Variants in HS2ST1 observed in about 807,000 individuals in gnomAD.
HS2ST1 encodes the protein heparan sulfate 2-O-sulfotransferase 1.
In HS2ST1, 18 loss-of-function variants were observed where a neutral mutation model predicts 42.9. That is an observed-to-expected ratio of 0.42 (90% CI 0.29 to 0.62). HS2ST1 has a LOEUF of 0.62. HS2ST1 is among the 20% of genes least tolerant of loss of function. The pLI, the probability that HS2ST1 is intolerant of heterozygous loss-of-function variation, is 0.21. For synonymous variants in HS2ST1, 146 were observed against 152.9 expected, an observed-to-expected ratio of 0.95 and a Z score of 0.33; for missense variants, 334 against 433.8, an observed-to-expected ratio of 0.77 and a Z score of 2.04.
intron 1 of HS2ST1, among the ~76,000 whole-genome samples, chr1:87,005,095 T>C (rs1474995787): frequency 6.6e-6 from 1 of 152,234 alleles, no homozygotes; most frequent in Non-Finnish European, 1.5e-5. Context: ...CATGTCCCTC[T>C]GGTAAGATTT....
chr1:87,059,635 A>G (rs1003847710), intron 1 of HS2ST1, among the ~76,000 whole-genome samples: 2 of 152,222 alleles, frequency 1.3e-5, no homozygotes, highest in Non-Finnish European at 2.9e-5. Context: ...CAGCTCACCT[A>G]TGATTTTTAA....
intron 1 of HS2ST1, among the ~76,000 whole-genome samples, chr1:86,965,130 T>C (rs1202189816): frequency 6.6e-6 from 1 of 152,138 alleles, no homozygotes; most frequent in African/African-American, 2.4e-5. Context: ...AGTAATAGAG[T>C]AAGACAAAGT....
At chr1:87,017,222 C>T (rs768460483) in intron 1 of HS2ST1, among the ~76,000 whole-genome samples, 7 of 152,078 alleles carry the variant, frequency 4.6e-5, no homozygotes, top group South Asian at 2.1e-4. Flanking sequence ...CTGCAACCTC[C>T]GCCTCCCAGG....
At chr1:87,080,739 C>T (rs886094849) in intron 2 of HS2ST1, among the ~76,000 whole-genome samples, 6 of 152,148 alleles carry the variant, frequency 3.9e-5, no homozygotes, top group Non-Finnish European at 8.8e-5. Flanking sequence ...TGCCACATGG[C>T]GCAGAAAGAG....
At chr1:87,078,367 T>C (rs1327470090) in intron 2 of HS2ST1, among the ~76,000 whole-genome samples, 1 of 152,192 alleles carries the variant, frequency 6.6e-6, no homozygotes. Flanking sequence ...ATTACCTATA[T>C]TGTTTGTGTT....
chr1:86,949,823 T>G lies in HS2ST1; in HGVS notation c.124+34663T>G, dbSNP rs563688454. On this transcript the variant is annotated intron_variant, in intron 1 of 6. Coordinates refer to ENST00000370550, the MANE Select transcript of HS2ST1 (RefSeq NM_012262.4). The stretch of plus-strand genomic sequence containing the variant: ...TTTACCCCCAATAATTAGACTCCTA[T>G]TATCATAACATTTTAAATAGAATAC... 3.7e-4 allele frequency among the ~76,000 whole-genome samples: 57 copies of G among 152,288 alleles called. 1 individual carries two copies. In the South Asian group the frequency reaches 7.2e-3, roughly 19 times the overall value.
intron 2 of HS2ST1, among the ~76,000 whole-genome samples, chr1:87,078,665 A>G (rs1357048957): frequency 6.6e-6 from 1 of 152,186 alleles, no homozygotes; most frequent in Admixed American, 6.5e-5. Context: ...TTTTTGGCCT[A>G]TCACTTTACC....
chr1:86,991,583 G>A (rs2100560668), intron 1 of HS2ST1, among the ~76,000 whole-genome samples: 1 of 152,292 alleles, frequency 6.6e-6, no homozygotes, highest in Non-Finnish European at 1.5e-5. Context: ...CCTAAAATAG[G>A]TGAGGAGGCA....
intron 1 of HS2ST1, among the ~76,000 whole-genome samples, chr1:86,979,939 G>A (rs1479789025): frequency 6.6e-6 from 1 of 152,048 alleles, no homozygotes; most frequent in Non-Finnish European, 1.5e-5. Context: ...TTTTACTTCT[G>A]CATAAGATTA....
chr1:87,016,861 TG>T (rs1362996921), intron 1 of HS2ST1, among the ~76,000 whole-genome samples: 5 of 59,054 alleles, frequency 8.5e-5, no homozygotes, highest in Non-Finnish European at 2.1e-4. Flanking sequence ...TAATGGTTAT[TG>T]GGTTTTTTTT....
Position 87,072,887 on chromosome 1 carries a change from C to T in HS2ST1, c.125-47C>T, listed in dbSNP as rs1471388937. On this transcript the variant is annotated intron_variant, in intron 1 of 6. Coordinates refer to ENST00000370550, the MANE Select transcript of HS2ST1 (RefSeq NM_012262.4). ...TCCAAAGTTCAGTGTTCATAACTTCCTTATAGTGTCCTTAAAAACTTAGTT... is the reference window on the plus strand; with the variant it reads ...TCCAAAGTTCAGTGTTCATAACTTCTTTATAGTGTCCTTAAAAACTTAGTT... The T allele has an allele frequency of 3.7e-6, 5 of 1,346,032 alleles. No individual in the cohort carries two copies. In the Admixed American group the frequency reaches 5.1e-5, roughly 14 times the overall value. 83.4% of individuals were successfully genotyped at this position (1,346,032 alleles called of 1,614,324 possible). A position where few individuals can be genotyped will look rare whatever the true frequency, so the allele number is the denominator to read the frequency against.
At chr1:86,945,534 C>T (rs528887235) in intron 1 of HS2ST1, among the ~76,000 whole-genome samples, 1 of 147,286 alleles carries the variant, frequency 6.8e-6, no homozygotes, top group South Asian at 2.2e-4. Flanking sequence ...TTCCGCATCT[C>T]TTTTAAAATA....
At chr1:86,956,944 A>G (rs1451058038) in intron 1 of HS2ST1, among the ~76,000 whole-genome samples, 1 of 152,200 alleles carries the variant, frequency 6.6e-6, no homozygotes, top group African/African-American at 2.4e-5. Flanking sequence ...GACAGTAAAA[A>G]TACATTATAT....
intron 5 of HS2ST1, among the ~76,000 whole-genome samples, chr1:87,102,256 C>T (rs1415775158): frequency 6.6e-6 from 1 of 152,088 alleles, no homozygotes; most frequent in African/African-American, 2.4e-5. Context: ...TGGGGTTTCT[C>T]CATGTTGGTC....
intron 1 of HS2ST1, among the ~76,000 whole-genome samples, chr1:86,983,244 TC>T (rs1281039405): frequency 6.6e-6 from 1 of 152,238 alleles, no homozygotes; most frequent in Non-Finnish European, 1.5e-5. Context: ...ATTTTCTGTA[TC>T]AGTCTGTTTT....
chr1:86,970,316 A>G (rs1266977889), intron 1 of HS2ST1, among the ~76,000 whole-genome samples: 1 of 152,184 alleles, frequency 6.6e-6, no homozygotes, highest in Non-Finnish European at 1.5e-5. Flanking sequence ...AATCCACAAG[A>G]AGTATAGGTC....
chr1:87,093,508 A>G (rs1192405023), intron 4 of HS2ST1, among the ~76,000 whole-genome samples: 3 of 152,120 alleles, frequency 2.0e-5, no homozygotes, highest in Non-Finnish European at 2.9e-5. Context: ...GCAGTGAGTC[A>G]TATCTCTTTC....
intron 1 of HS2ST1, among the ~76,000 whole-genome samples, chr1:86,963,312 C>G (rs958047966): frequency 6.6e-6 from 1 of 152,062 alleles, no homozygotes; most frequent in East Asian, 1.9e-4. Flanking sequence ...TGCGGCCTAC[C>G]GCAGTGTTTG....
At chr1:87,054,301 GTTTTT>G (rs1023913437) in intron 1 of HS2ST1, among the ~76,000 whole-genome samples, 1 of 152,078 alleles carries the variant, frequency 6.6e-6, no homozygotes, top group South Asian at 2.1e-4. Flanking sequence ...TCTCATGTGG[GTTTTT>G]TTGTTTGTTT....
Sources: allele counts gnomAD v4.1 joint callset (sites outside exome capture counted in the v4.1 genomes callset), GRCh38; gene constraint gnomAD v4.1.1; transcripts MANE v1.5; gene names NCBI Gene and HGNC (gene_info 2026-07-23, HGNC 2026-07-21).